Variants in EP400 observed in about 807,000 individuals in gnomAD.
EP400 encodes E1A-binding protein p400.
Under a neutral mutation model 354.1 loss-of-function variants are expected in EP400, and 105 were observed. That is an observed-to-expected ratio of 0.30 (90% CI 0.25 to 0.35). EP400 has a LOEUF of 0.35. EP400 is among the 10% of genes least tolerant of loss of function. EP400 has a pLI of 1.00. For synonymous variants in EP400, 1,646 were observed against 1,716.9 expected (o/e 0.96, Z 1.02); for missense variants, 3,280 against 4,121.0 (o/e 0.80, Z 5.59).
chr12:131,987,983 C>CTT (rs778740521), intron 7 of EP400, 93 bp downstream of exon 7: 4,013 of 266,906 alleles, frequency 0.015, 11 homozygotes, highest in South Asian at 0.055. Flanking sequence ...TCCAGACCCA[C>CTT]TTTTTTTTTT....
At position 131,960,888 on chromosome 12, in the gene EP400, C is replaced by A. The variant is rs759067521; in HGVS notation, c.269C>A (p.Thr90Lys). The part of the protein sequence containing the change: ...GPVVGGNQQI[T>K]LAPLPLPSPT... The stretch of plus-strand genomic sequence containing the variant: ...GTCGTCGGGGGAAACCAGCAGATCA[C>A]ACTGGCCCCACTGCCGCTCCCCAGC... The change falls in exon 2 of 53, where the codon ACA becomes AAA. Residue 90 changes from threonine (T) to lysine (K), a missense_variant. Transcript: ENST00000389561. 2.5e-6 allele frequency: 4 copies of A among 1,614,042 alleles called. No individual in the cohort carries two copies. The South Asian group carries it at 4.4e-5, about 18-fold the overall frequency.
At chr12:132,011,754 A>G in intron 16 of EP400, 120 bp downstream of exon 16, 6 of 1,240,358 alleles carry the variant, frequency 4.8e-6, no homozygotes, top group East Asian at 2.5e-5. Context: ...TCACTCATTC[A>G]TGAGTTAACA....
At chr12:132,059,860 C>CA (rs1203429291) in intron 45 of EP400, among the ~76,000 whole-genome samples, 7,719 of 139,756 alleles carry the variant, frequency 0.055, 275 homozygotes, top group Non-Finnish European at 0.088. Flanking sequence ...ACAGAAAATA[C>CA]AAAAAAAAAA....
At chr12:132,059,927 G>A (rs1895634256) in intron 45 of EP400, among the ~76,000 whole-genome samples, 1 of 152,096 alleles carries the variant, frequency 6.6e-6, no homozygotes. Flanking sequence ...GGAGGCTGAG[G>A]CAGGAGAATT....
At chr12:132,071,213 C>G (rs190930699) in intron 51 of EP400, among the ~76,000 whole-genome samples, 1 of 151,938 alleles carries the variant, frequency 6.6e-6, no homozygotes, top group African/African-American at 2.4e-5. Flanking sequence ...TTGTTTAAAG[C>G]CCATGTGTAT....
chr12:132,069,457 A>G (rs371888854), intron 50 of EP400, 38 bp from the exon 51 acceptor site: 9 of 1,604,992 alleles, frequency 5.6e-6, no homozygotes, highest in Middle Eastern at 1.7e-4. Flanking sequence ...TGAGCGCGGC[A>G]TGGTCTCTGC....
chr12:132,026,944 G>A (rs1297259112), intron 25 of EP400, among the ~76,000 whole-genome samples: 1 of 152,232 alleles, frequency 6.6e-6, no homozygotes, highest in Non-Finnish European at 1.5e-5. Context: ...GTCAGGAGCA[G>A]CTCCAGGGAA....
In EP400 at chr12:132,050,281, A is replaced by G. The variant is rs968263510; in HGVS notation, c.7201-42A>G. 5.0e-6 allele frequency: 8 copies of G among 1,611,024 alleles called. No homozygotes were observed. The highest frequency in any genetic ancestry group is 6.8e-6 in the Non-Finnish European group (8 of 1,177,976). On this transcript the variant is annotated intron_variant, in intron 39 of 52. Transcript: ENST00000389561. The surrounding 1 kb of genome is among the most constrained non-coding windows in gnomAD (Gnocchi z 4.8). ...CTGTGTCCCACGCAGCCGTCTGTCC[A>G]TGCTGCCTAATTCAGATGCACTCTC...
At chr12:131,973,264 A>G (rs912387201) in intron 2 of EP400, among the ~76,000 whole-genome samples, 3 of 152,244 alleles carry the variant, frequency 2.0e-5, no homozygotes, top group African/African-American at 4.8e-5. Context: ...CTAGTGAATC[A>G]GGAGAGCGTA....
At position 132,067,247 on chromosome 12, in the gene EP400, A is replaced by G. The variant is rs1014963543; in HGVS notation, c.8750-115A>G. 2.1e-6 allele frequency: 3 copies of G among 1,455,348 alleles called. No individual in the cohort carries two copies. The highest frequency in any genetic ancestry group is 2.8e-6 in the Non-Finnish European group (3 of 1,078,690). The allele number at this position is 1,455,348 out of a possible 1,614,324, so 90.2% of individuals were successfully genotyped here. A position where few individuals can be genotyped will look rare whatever the true frequency, so the allele number is the denominator to read the frequency against. ...GTTAAGGGATGGCTTACTTGTCTCC[A>G]TAGAGTTTCATAGTTTGTTATTTTC... On this transcript the variant is annotated intron_variant, in intron 49 of 52. Transcript: ENST00000389561. This position sits in a 1 kb window ranked among gnomAD's most constrained non-coding sequence, Gnocchi z 5.3.
rs776538503 is a variant in EP400, at chr12:131,986,638, C to A, written c.2054C>A (p.Ser685Tyr). ...GGCCCAGGACCCTCCCCTGCTCGAT[C>A]CTCTCCAGTAAATAGACCTTCCTCA... ...GSGPGPSPAR[S>Y]SPVNRPSSAT... Residue 685 changes from serine to tyrosine, a missense_variant, in exon 6 of 53, where the codon TCC becomes TAC. Physicochemically the swap from Ser to Tyr is moderately radical, Grantham distance 144. This residue lies in a region of EP400 where 800 missense variants were observed against 840.0 expected (regional missense o/e 0.95). Coordinates refer to ENST00000389561, the MANE Select transcript of EP400 (RefSeq NM_015409.5). 5.6e-6 allele frequency: 9 copies of A among 1,614,094 alleles called. No homozygotes were observed. Among genetic ancestry groups the A allele is most frequent in the Non-Finnish European group, 7.6e-6 (9 of 1,180,026 alleles).
intron 12 of EP400, among the ~76,000 whole-genome samples, chr12:132,003,358 T>C (rs987352915): frequency 2.6e-5 from 4 of 152,128 alleles, no homozygotes; most frequent in African/African-American, 9.7e-5. Flanking sequence ...TTAAAATATA[T>C]GAGAGGATGT....
In EP400 at chr12:132,062,289, C is replaced by A. The variant is rs1895720863; in HGVS notation, c.8064C>A (p.Thr2688=). Residue 2688 remains threonine (T), a synonymous_variant, in exon 46 of 53, where the codon ACC becomes ACA. Transcript: ENST00000389561. ...VVTTNLTPVQ[T]PARSLVPQVS... is the part of the protein sequence containing the mutation. Reference sequence around the variant, plus strand: ...CTACCAACCTGACCCCAGTGCAGACCCCGGCACGGTCTTTGGTGCCCCAAG... The same window carrying A: ...CTACCAACCTGACCCCAGTGCAGACACCGGCACGGTCTTTGGTGCCCCAAG... 2 of 1,614,208 alleles carry A rather than the reference C, an allele frequency of 1.2e-6. No homozygotes were observed. Among genetic ancestry groups the A allele is most frequent in the Non-Finnish European group, 8.5e-7 (1 of 1,180,040 alleles).
chr12:132,064,903 G>A lies in EP400; in HGVS notation c.8553+17G>A, dbSNP rs772566718. On this transcript the variant is annotated intron_variant, in intron 48 of 52. Transcript: ENST00000389561. ...GCCCGGCTCGTAAGTGTCAGTTTCT[G>A]TTTGTTTTCCAAAAGCAGCATCTTT... 2.8e-5 allele frequency: 44 copies of A among 1,586,712 alleles called. No individual in the cohort carries two copies. The East Asian group carries it at 1.0e-3, about 36-fold the overall frequency.
At position 132,017,826 on chromosome 12, in the gene EP400, A is replaced by G; in HGVS notation, c.4110+105A>G. On this transcript the variant is annotated intron_variant, in intron 20 of 52. Coordinates refer to ENST00000389561, the MANE Select transcript of EP400 (RefSeq NM_015409.5). The surrounding 1 kb of genome is among the most constrained non-coding windows in gnomAD (Gnocchi z 5.0). ...TGGGTTCTCAACCAGCTCTTCTGCAATTGCAATTGCAGCTCCGCGATACAT... is the reference window on the plus strand; with the variant it reads ...TGGGTTCTCAACCAGCTCTTCTGCAGTTGCAATTGCAGCTCCGCGATACAT... The G allele has an allele frequency of 3.2e-6, 4 of 1,233,022 alleles. No individual in the cohort carries two copies. The highest frequency in any genetic ancestry group is 3.3e-6 in the Non-Finnish European group (3 of 909,656). 76.4% of individuals were successfully genotyped at this position (1,233,022 alleles called of 1,614,324 possible).
At chr12:131,981,751 T>C (rs191569704) in intron 4 of EP400, among the ~76,000 whole-genome samples, 155 bp downstream of exon 4, 137 of 152,288 alleles carry the variant, frequency 9.0e-4, no homozygotes, top group Admixed American at 2.1e-3. Context: ...CCAGTCGATA[T>C]CATATGCAAA....
At position 132,017,093 on chromosome 12, in the gene EP400, C is replaced by T. The variant is rs555393335; in HGVS notation, c.3924-442C>T. On this transcript the variant is annotated intron_variant, in intron 19 of 52. Transcript: ENST00000389561. The surrounding 1 kb of genome is among the most constrained non-coding windows in gnomAD (Gnocchi z 5.0). ...CTGCCCCCTTCACTGGGTGGTAAGC[C>T]GCACAGGGCATGGACCTGGGTCCTC... Among the ~76,000 whole-genome samples the T allele has an allele frequency of 1.3e-5, 2 of 152,206 alleles. No homozygotes were observed. Among genetic ancestry groups the T allele is most frequent in the African/African-American group, 2.4e-5 (1 of 41,452 alleles).
At chr12:131,971,270 G>A (rs906957483) in intron 2 of EP400, among the ~76,000 whole-genome samples, 1 of 152,132 alleles carries the variant, frequency 6.6e-6, no homozygotes, top group African/African-American at 2.4e-5. Flanking sequence ...GCTTATTTCA[G>A]TTAGCATTAT....
At chr12:132,036,470 G>C (rs766522323) in intron 30 of EP400, among the ~76,000 whole-genome samples, 1 of 151,908 alleles carries the variant, frequency 6.6e-6, no homozygotes, top group African/African-American at 2.4e-5. Flanking sequence ...ACGGAACGTC[G>C]TGGAAGCACG....
Sources: allele counts gnomAD v4.1 joint callset (sites outside exome capture counted in the v4.1 genomes callset), GRCh38; gene constraint gnomAD v4.1.1; regional missense constraint gnomAD v4.1.1; non-coding constraint Gnocchi (gnomAD v3.1); transcripts MANE v1.5; gene names NCBI Gene and HGNC (gene_info 2026-07-23, HGNC 2026-07-21).